TMCC2: variants seen among roughly 807,000 people sequenced by gnomAD.
TMCC2 encodes transmembrane and coiled-coil domains protein 2.
Under a neutral mutation model 49.4 loss-of-function variants are expected in TMCC2, and 16 were observed. The observed-to-expected ratio is 0.32, with a 90% CI of 0.22 to 0.49. The LOEUF (loss-of-function observed/expected upper bound fraction) is 0.49. TMCC2 is among the 20% of genes least tolerant of loss of function. The pLI is 0.99. For missense variants in TMCC2, 762 were observed against 989.8 expected, an observed-to-expected ratio of 0.77 and a Z score of 3.09; for synonymous variants, 397 against 434.1, an observed-to-expected ratio of 0.91 and a Z score of 1.06.
intron 2 of TMCC2, among the ~76,000 whole-genome samples, chr1:205,247,640 G>T (rs1660502641): frequency 6.6e-6 from 1 of 152,186 alleles, no homozygotes; most frequent in African/African-American, 2.4e-5. Flanking sequence ...GTTCTGCCCT[G>T]ATCTCTGGGC....
At chr1:205,255,649 A>G (rs1053174691) in intron 2 of TMCC2, among the ~76,000 whole-genome samples, 5 of 152,168 alleles carry the variant, frequency 3.3e-5, no homozygotes, top group Admixed American at 2.0e-4. Flanking sequence ...ACTGCCTTTC[A>G]TGGCAGCTAA....
At chr1:205,262,330 G>A (rs1007698679) in intron 2 of TMCC2, among the ~76,000 whole-genome samples, 4 of 152,172 alleles carry the variant, frequency 2.6e-5, no homozygotes, top group Non-Finnish European at 5.9e-5. Flanking sequence ...TTGACCCTGG[G>A]GTAGAGAAGA....
chr1:205,260,050 GC>G (rs1380326254), intron 2 of TMCC2, among the ~76,000 whole-genome samples: 5 of 152,342 alleles, frequency 3.3e-5, no homozygotes, highest in African/African-American at 1.2e-4. Context: ...TGAGCAGGGG[GC>G]ATTCTGGTGT....
rs185790741 is a variant in TMCC2, at chr1:205,250,683, C to T, written c.747+8639C>T. Reference sequence around the variant, plus strand: ...AAGATGTAAGGTCATGCCTTGTTGACGCCTTTGTCCCTAAGCTCAGGCAAA... The same window carrying T: ...AAGATGTAAGGTCATGCCTTGTTGATGCCTTTGTCCCTAAGCTCAGGCAAA... On this transcript the variant is annotated intron_variant, in intron 2 of 4. Coordinates refer to ENST00000358024, the MANE Select transcript of TMCC2 (RefSeq NM_014858.4). Among the ~76,000 whole-genome samples, 32 of 152,268 alleles carry T rather than the reference C, an allele frequency of 2.1e-4. No homozygotes were observed. In the East Asian group the frequency reaches 3.3e-3, roughly 16 times the overall value.
intron 2 of TMCC2, among the ~76,000 whole-genome samples, chr1:205,253,156 T>C (rs1216835692): frequency 6.7e-6 from 1 of 149,892 alleles, no homozygotes; most frequent in Non-Finnish European, 1.5e-5. Context: ...GCAAGAAAAA[T>C]AAGATGATTT....
At position 205,272,154 on chromosome 1, in the gene TMCC2, T is replaced by C; in HGVS notation, c.*30T>C. On this transcript the variant is annotated 3_prime_UTR_variant, in exon 5 of 5. Transcript: ENST00000358024. ...CCAGCCACACCAACCCTGTGCTCTC[T>C]GGCCCCCAGCTGGCCACACTTCTCC... is the stretch of plus-strand genomic sequence containing the variant. 1 of 1,599,422 alleles carries C rather than the reference T, an allele frequency of 6.3e-7. No homozygotes were observed. Among genetic ancestry groups the C allele is most frequent in the Non-Finnish European group, 8.6e-7 (1 of 1,168,876 alleles).
intron 2 of TMCC2, among the ~76,000 whole-genome samples, chr1:205,261,532 G>C (rs921087660): frequency 2.6e-5 from 4 of 151,964 alleles, no homozygotes; most frequent in African/African-American, 7.3e-5. Flanking sequence ...AATTACTAGG[G>C]GCTGGGCTTG....
In TMCC2 at chr1:205,247,545, G is replaced by C. The variant is rs373318585; in HGVS notation, c.747+5501G>C. Among the ~76,000 whole-genome samples, 7 of 152,280 alleles carry C rather than the reference G, an allele frequency of 4.6e-5. No individual in the cohort carries two copies. In the South Asian group the frequency reaches 1.0e-3, roughly 23 times the overall value. On this transcript the variant is annotated intron_variant, in intron 2 of 4. Transcript: ENST00000358024. Reference sequence around the variant, plus strand: ...TTGCTTCCCTGTCACAGAGGAAAAAGGTCTTCCAGCCATCGGTAAACCCTG... The same window carrying C: ...TTGCTTCCCTGTCACAGAGGAAAAACGTCTTCCAGCCATCGGTAAACCCTG...
At chr1:205,265,670 C>T (rs371951494) in intron 2 of TMCC2, among the ~76,000 whole-genome samples, 4 of 151,482 alleles carry the variant, frequency 2.6e-5, no homozygotes, top group Admixed American at 6.6e-5. Context: ...AAGAAATTCT[C>T]CTGCCTCAGC....
At chr1:205,235,929 C>T (rs1660022665) in intron 1 of TMCC2, among the ~76,000 whole-genome samples, 2 of 152,114 alleles carry the variant, frequency 1.3e-5, no homozygotes, top group South Asian at 4.2e-4. Context: ...ATTAGCCAGG[C>T]ATGGTGGTGT....
chr1:205,234,885 C>T (rs556735439), intron 1 of TMCC2, among the ~76,000 whole-genome samples: 294 of 152,182 alleles, frequency 1.9e-3, no homozygotes, highest in African/African-American at 6.7e-3. Context: ...TCTGAAACTC[C>T]TGACCTCAGG....
chr1:205,264,783 C>A lies in TMCC2; in HGVS notation c.748-4167C>A, dbSNP rs144301331. On this transcript the variant is annotated intron_variant, in intron 2 of 4. Transcript: ENST00000358024. The surrounding 1 kb of genome is among the most constrained non-coding windows in gnomAD (Gnocchi z 4.2). The stretch of plus-strand genomic sequence containing the variant: ...CTGGGATTACAGGTGTGAGCCACTG[C>A]GCCTGGCCCCTGTATTTTAAAATTT... Among the ~76,000 whole-genome samples, 1 of 152,156 alleles carries A rather than the reference C, an allele frequency of 6.6e-6. No homozygotes were observed. The highest frequency in any genetic ancestry group is 1.5e-5 in the Non-Finnish European group (1 of 68,022).
At chr1:205,242,081 G>A (rs1660294268) in intron 2 of TMCC2, 37 bp downstream of exon 2, 1 of 1,532,242 alleles carries the variant, frequency 6.5e-7, no homozygotes, top group African/African-American at 1.4e-5. Flanking sequence ...GAGACTCAGA[G>A]GCAAGGGCCA....
intron 3 of TMCC2, 106 bp from the exon 4 acceptor site, chr1:205,271,014 G>A: frequency 6.8e-7 from 1 of 1,476,470 alleles, no homozygotes; most frequent in South Asian, 1.3e-5. Context: ...CTGGACACGG[G>A]GGATGGGCTG....
chr1:205,245,323 G>A (rs1660414970), intron 2 of TMCC2, among the ~76,000 whole-genome samples: 1 of 152,170 alleles, frequency 6.6e-6, no homozygotes, highest in Admixed American at 6.5e-5. Context: ...ATGGGCAGGA[G>A]GCAGCTTGTT....
intron 1 of TMCC2, chr1:205,229,028 T>C: frequency 7.5e-7 from 1 of 1,335,940 alleles, no homozygotes; most frequent in Non-Finnish European, 9.6e-7. Flanking sequence ...CCGAGATTGT[T>C]TGAATAATGT....
chr1:205,235,501 TG>T (rs1660003730), intron 1 of TMCC2, among the ~76,000 whole-genome samples: 1 of 152,162 alleles, frequency 6.6e-6, no homozygotes, highest in Non-Finnish European at 1.5e-5. Context: ...TTTCAAAGTG[TG>T]GGGTTATCAG....
intron 2 of TMCC2, among the ~76,000 whole-genome samples, chr1:205,242,969 CAGGT>C (rs1432944434): frequency 6.6e-6 from 1 of 152,180 alleles, no homozygotes; most frequent in African/African-American, 2.4e-5. Flanking sequence ...TGGGGATTGA[CAGGT>C]AGGCAGAGGC....
intron 2 of TMCC2, among the ~76,000 whole-genome samples, chr1:205,260,793 TGTC>T (rs1661076998): frequency 1.3e-5 from 2 of 152,102 alleles, no homozygotes; most frequent in Non-Finnish European, 1.5e-5. Context: ...TGGCCTTTCT[TGTC>T]TGGTTTGTTT....
Sources: allele counts gnomAD v4.1 joint callset (sites outside exome capture counted in the v4.1 genomes callset), GRCh38; gene constraint gnomAD v4.1.1; non-coding constraint Gnocchi (gnomAD v3.1); transcripts MANE v1.5; gene names NCBI Gene and HGNC (gene_info 2026-07-23, HGNC 2026-07-21).